The following ENKD1 variants were observed in gnomAD, a reference collection of about 807,000 sequenced individuals.
ENKD1 encodes enkurin domain containing 1, also known as enkurin domain-containing protein 1.
A neutral mutation model predicts 35.8 loss-of-function variants in ENKD1; 39 were observed. That is an observed-to-expected ratio of 1.09 (90% CI 0.84 to 1.42). The LOEUF (loss-of-function observed/expected upper bound fraction) is 1.42. Among genes scored for constraint, ENKD1 ranks in the 40% most tolerant of loss-of-function variants. The probability of loss-of-function intolerance (pLI) is 0.00; values close to 1 mark genes in which losing one functional copy is unlikely to be tolerated. For missense variants in ENKD1, 474 were observed against 471.3 expected, an observed-to-expected ratio of 1.01 and a Z score of -0.05; for synonymous variants, 205 against 198.6, an observed-to-expected ratio of 1.03 and a Z score of -0.27.
Position 67,666,277 on chromosome 16 carries a change from A to G in ENKD1, c.86-12T>C, listed in dbSNP as rs765655370. The G allele has an allele frequency of 3.1e-6, 5 of 1,600,540 alleles. No homozygotes were observed. Among genetic ancestry groups the G allele is most frequent in the Non-Finnish European group, 4.3e-6 (5 of 1,174,820 alleles). ...GAGGCGCCCTTGAGCTGTGGGGCGG[A>G]GCCGGGCGGAGTCCGGGGCTCAGAG... On this transcript the variant is annotated splice_polypyrimidine_tract_variant and intron_variant, in intron 1 of 6. Transcript: ENST00000243878.
rs1332281800 is a variant in ENKD1 at position 67,664,035 on chromosome 16, A to T, written c.481T>A (p.Ser161Thr). ...GAGTGCGCCCGCAGGAAGTGGGCAG[A>T]CTCTGTCCCAGAGGCAGGGCCAGGC... ...QEPGPASGTE[S>T]AHFLRAHSRC... is the part of the protein sequence containing the mutation. Residue 161 changes from serine to threonine, a missense_variant, in exon 4 of 7, where the codon TCT (serine) becomes ACT (threonine). Transcript: ENST00000243878. 1 of 1,561,270 alleles carries T rather than the reference A, an allele frequency of 6.4e-7. No individual in the cohort carries two copies. The highest frequency in any genetic ancestry group is 1.2e-5 in the South Asian group (1 of 85,020).
rs768942945 is a variant in ENKD1 at position 67,663,478 on chromosome 16, T to C, written c.822A>G (p.Pro274=). The C allele has an allele frequency of 1.9e-6, 3 of 1,613,108 alleles. No individual in the cohort carries two copies. Among genetic ancestry groups the C allele is most frequent in the Non-Finnish European group, 2.5e-6 (3 of 1,179,886 alleles). The change falls in exon 6 of 7, where the codon CCA becomes CCG. Residue 274 remains proline (P), a synonymous_variant. Coordinates refer to ENST00000243878, the MANE Select transcript of ENKD1 (RefSeq NM_032140.3). ...KQSQPDPAMP[P]GHTRMPENQR... is the part of the protein sequence containing the mutation. Reference sequence around the variant, plus strand: ...GGTTCTCAGGCATGCGCGTGTGGCCTGGGGGCATGGCAGGGTCCGGCTGGC... The same window carrying C: ...GGTTCTCAGGCATGCGCGTGTGGCCCGGGGGCATGGCAGGGTCCGGCTGGC...
chr16:67,665,608 C>T (rs1487707853), intron 2 of ENKD1, among the ~76,000 whole-genome samples: 10 of 152,290 alleles, frequency 6.6e-5, no homozygotes, highest in South Asian at 4.1e-4. Flanking sequence ...GTGATCTGCC[C>T]GCCTGGGCCT....
intron 2 of ENKD1, 89 bp downstream of exon 2, chr16:67,665,982 G>GCCCA: frequency 7.1e-7 from 1 of 1,398,836 alleles, no homozygotes; most frequent in South Asian, 1.3e-5. Flanking sequence ...CAAAGCCTGG[G>GCCCA]CCCACGTCAG....
At chr16:67,664,419 AACTCCTAGGTCTC>A in intron 3 of ENKD1, 1 of 387,622 alleles carries the variant, frequency 2.6e-6, no homozygotes, top group Non-Finnish European at 4.9e-6. Context: ...GATCGTCAAT[AACTCCTAGGTCTC>A]ACTCCTGAGA....
Position 67,663,392 on chromosome 16 carries a change from C to T in ENKD1, c.880+28G>A, listed in dbSNP as rs770075014. On this transcript the variant is annotated intron_variant, in intron 6 of 6. Transcript: ENST00000243878. ...GGTGCCCGGTCCCCAGTGGGGCCCC[C>T]CTCCAGCCTCCCTGCCCAGGTACTC... 3.1e-6 allele frequency: 5 copies of T among 1,611,788 alleles called. No homozygotes were observed. In the Admixed American group the frequency reaches 6.7e-5, roughly 22 times the overall value.
chr16:67,664,869 C>G, intron 3 of ENKD1, 127 bp downstream of exon 3: 1 of 1,247,374 alleles, frequency 8.0e-7, no homozygotes, highest in South Asian at 1.5e-5. Flanking sequence ...CGCCCTGCAG[C>G]AGAGCCAGGG....
At chr16:67,665,332 T>C (rs959475042) in intron 2 of ENKD1, among the ~76,000 whole-genome samples, 164 bp from the exon 3 acceptor site, 3 of 152,132 alleles carry the variant, frequency 2.0e-5, no homozygotes, top group African/African-American at 7.2e-5. Flanking sequence ...CCGTGTTCCC[T>C]TCCTCATGTA....
At position 67,666,497 on chromosome 16, in the gene ENKD1, C is replaced by T; in HGVS notation, c.-55G>A. ...CGAGGCCTGCAGGGCTGTTTACCTCCCTCCCCGGGCCCCCTTCCCCAACCC... is the reference window on the plus strand; with the variant it reads ...CGAGGCCTGCAGGGCTGTTTACCTCTCTCCCCGGGCCCCCTTCCCCAACCC... On this transcript the variant is annotated 5_prime_UTR_variant, in exon 1 of 7. Coordinates refer to ENST00000243878, the MANE Select transcript of ENKD1 (RefSeq NM_032140.3). 6 of 1,374,190 alleles carry T rather than the reference C, an allele frequency of 4.4e-6. No individual in the cohort carries two copies. The highest frequency in any genetic ancestry group is 5.6e-6 in the Non-Finnish European group (6 of 1,062,442). 85.1% of individuals were successfully genotyped at this position (1,374,190 alleles called of 1,614,324 possible). A position where few individuals can be genotyped will look rare whatever the true frequency, so the allele number is the denominator to read the frequency against.
Position 67,664,059 on chromosome 16 carries a change from G to C in ENKD1, c.457C>G (p.Pro153Ala). ...GACTCTGTCCCAGAGGCAGGGCCAG[G>C]CTCCTGGAGGGCAGGGCACAGCAGA... ...ESRVKAQLQE[P>A]GPASGTESAH... The change falls in exon 4 of 7, where the codon CCT becomes GCT. Residue 153 changes from proline to alanine, a missense_variant. Pro to Ala is a conservative substitution (Grantham distance 27, BLOSUM62 -1). Transcript: ENST00000243878. The C allele has an allele frequency of 6.4e-7, 1 of 1,555,978 alleles. No homozygotes were observed. The highest frequency in any genetic ancestry group is 1.2e-5 in the South Asian group (1 of 84,558).
chr16:67,663,178 C>A lies in ENKD1; in HGVS notation c.1024G>T (p.Val342Leu), dbSNP rs749387075. Reference sequence around the variant, plus strand: ...AAAGGGGCTCAGTCGTCCATCTTCACGAAGACTTTGGGCCGAGAAAAGATC... The same window carrying A: ...AAAGGGGCTCAGTCGTCCATCTTCAAGAAGACTTTGGGCCGAGAAAAGATC... ...IKIFSRPKVFVKMDD is the reference protein window; with the variant it reads ...IKIFSRPKVFLKMDD Residue 342 changes from valine to leucine, a missense_variant, in exon 7 of 7, where the codon GTG (valine) becomes TTG (leucine). Coordinates refer to ENST00000243878, the MANE Select transcript of ENKD1 (RefSeq NM_032140.3). 5.0e-6 allele frequency: 8 copies of A among 1,613,924 alleles called. No homozygotes were observed. Among genetic ancestry groups the A allele is most frequent in the Non-Finnish European group, 6.8e-6 (8 of 1,180,032 alleles).
Position 67,663,708 on chromosome 16 carries a change from C to T in ENKD1, c.692G>A (p.Arg231Gln), listed in dbSNP as rs374065667. 12 of 1,613,070 alleles carry T rather than the reference C, an allele frequency of 7.4e-6. No individual in the cohort carries two copies. Among genetic ancestry groups the T allele is most frequent in the African/African-American group, 2.7e-5 (2 of 74,934 alleles). Residue 231 changes from arginine to glutamine, a missense_variant, in exon 5 of 7, where the codon CGG becomes CAG. Transcript: ENST00000243878. ...GGCATTGTAGTGCTCCTGGGCCTGC[C>T]GCTGCTGCTCTAGCACTTGTGCCAG... is the stretch of plus-strand genomic sequence containing the variant. Reference protein sequence around the residue: ...QVLAQVLEQQRQAQEHYNATQ... With the variant: ...QVLAQVLEQQQQAQEHYNATQ...
Position 67,663,451 on chromosome 16 carries a change from C to G in ENKD1, c.849G>C (p.Gln283His). The G allele has an allele frequency of 6.2e-7, 1 of 1,613,350 alleles. No homozygotes were observed. Among genetic ancestry groups the G allele is most frequent in the Non-Finnish European group, 8.5e-7 (1 of 1,179,930 alleles). The change falls in exon 6 of 7, where the codon CAG becomes CAC. Residue 283 changes from glutamine (Q) to histidine (H), a missense_variant. Coordinates refer to ENST00000243878, the MANE Select transcript of ENKD1 (RefSeq NM_032140.3). ...PPGHTRMPEN[Q>H]RLETLTKLLQ... ...GCAGCTTGGTCAGTGTTTCCAGCCGCTGGTTCTCAGGCATGCGCGTGTGGC... is the reference window on the plus strand; with the variant it reads ...GCAGCTTGGTCAGTGTTTCCAGCCGGTGGTTCTCAGGCATGCGCGTGTGGC...
chr16:67,665,882 G>A (rs1037705114), intron 2 of ENKD1, among the ~76,000 whole-genome samples, 189 bp downstream of exon 2: 7 of 152,196 alleles, frequency 4.6e-5, no homozygotes, highest in Non-Finnish European at 1.0e-4. Context: ...CTAGGGCTTC[G>A]TGGGAACTAC....
At position 67,663,415 on chromosome 16, in the gene ENKD1, C is replaced by T. The variant is rs1443164439; in HGVS notation, c.880+5G>A. 12 of 1,612,932 alleles carry T rather than the reference C, an allele frequency of 7.4e-6. No individual in the cohort carries two copies. The highest frequency in any genetic ancestry group is 1.0e-5 in the Non-Finnish European group (12 of 1,179,702). On this transcript the variant is annotated splice_donor_5th_base_variant and intron_variant, in intron 6 of 6. Transcript: ENST00000243878. ...CCCCTCCAGCCTCCCTGCCCAGGTA[C>T]TCACTCTGGAGCAGCTTGGTCAGTG...
intron 2 of ENKD1, 57 bp from the exon 3 acceptor site, chr16:67,665,225 C>A: frequency 6.5e-7 from 1 of 1,550,338 alleles, no homozygotes. Context: ...AGTCCAACTT[C>A]CACTAGTTCA....
In ENKD1 at chr16:67,664,073, G is replaced by C. The variant is rs940998132; in HGVS notation, c.454-11C>G. ...GGCAGGGCCAGGCTCCTGGAGGGCA[G>C]GGCACAGCAGAGAGAGCAGGCAGGC... On this transcript the variant is annotated splice_polypyrimidine_tract_variant and intron_variant, in intron 3 of 6. Transcript: ENST00000243878. 1.9e-6 allele frequency: 3 copies of C among 1,553,242 alleles called. No homozygotes were observed.
intron 3 of ENKD1, 54 bp from the exon 4 acceptor site, chr16:67,664,116 G>C: frequency 6.7e-7 from 1 of 1,498,144 alleles, no homozygotes; most frequent in African/African-American, 1.4e-5. Flanking sequence ...TGGGGCTCAA[G>C]CTGCAAGACC....
intron 2 of ENKD1, 121 bp downstream of exon 2, chr16:67,665,950 G>A: frequency 4.6e-6 from 5 of 1,088,712 alleles, no homozygotes; most frequent in Admixed American, 2.7e-5. Context: ...TTATAGTTGG[G>A]GAAACTGAGA....
Sources: gnomAD v4.1 joint callset for allele counts (sites outside exome capture counted in the v4.1 genomes callset) on GRCh38, gnomAD v4.1.1 for gene constraint, MANE v1.5 for transcripts, NCBI Gene and HGNC (gene_info 2026-07-23, HGNC 2026-07-21) for gene names.